The following EIF2B3 variants were observed in gnomAD, a reference collection of about 807,000 sequenced individuals.
EIF2B3 encodes translation initiation factor eIF2B subunit gamma.
A neutral mutation model predicts 54.1 loss-of-function variants in EIF2B3; 20 were observed. That is an observed-to-expected ratio of 0.37 (90% CI 0.26 to 0.54). The LOEUF (loss-of-function observed/expected upper bound fraction) is 0.54. EIF2B3 is among the 20% of genes least tolerant of loss of function. EIF2B3 has a pLI of 0.86. For missense variants in EIF2B3, 448 were observed against 547.8 expected, an observed-to-expected ratio of 0.82 and a Z score of 1.82; for synonymous variants, 153 against 188.1, an observed-to-expected ratio of 0.81 and a Z score of 1.52.
intron 5 of EIF2B3, among the ~76,000 whole-genome samples, chr1:44,916,842 G>T (rs1202734087): frequency 6.6e-6 from 1 of 151,484 alleles, no homozygotes; most frequent in African/African-American, 2.4e-5. Flanking sequence ...AAAAGGAAGG[G>T]CTCAGGGCTC....
At chr1:44,934,610 T>G (rs1643927856) in intron 4 of EIF2B3, among the ~76,000 whole-genome samples, 1 of 152,030 alleles carries the variant, frequency 6.6e-6, no homozygotes, top group Non-Finnish European at 1.5e-5. Flanking sequence ...GTTCAAGCAA[T>G]TCTCCTGCCT....
intron 5 of EIF2B3, among the ~76,000 whole-genome samples, chr1:44,920,526 C>T (rs1643718259): frequency 6.6e-6 from 1 of 152,114 alleles, no homozygotes; most frequent in South Asian, 2.1e-4. Flanking sequence ...TCCCCACTCC[C>T]ACCACCCCCA....
intron 11 of EIF2B3, among the ~76,000 whole-genome samples, chr1:44,853,080 C>T (rs11211044): frequency 0.43 from 65,314 of 151,772 alleles, 14,924 homozygotes; most frequent in African/African-American, 0.59. Context: ...CTGTGAACCA[C>T]AGGCTAAAGC....
chr1:44,932,146 T>A (rs184438711), intron 4 of EIF2B3, among the ~76,000 whole-genome samples: 1 of 151,548 alleles, frequency 6.6e-6, no homozygotes, highest in African/African-American at 2.4e-5. Context: ...CACACCCCTA[T>A]AGTAATAAAC....
At chr1:44,982,942 G>T (rs970373781) in intron 1 of EIF2B3, among the ~76,000 whole-genome samples, 4 of 152,114 alleles carry the variant, frequency 2.6e-5, no homozygotes, top group East Asian at 3.9e-4. Flanking sequence ...AGCTAATTTT[G>T]TATTTTTAGT....
rs542988999 is a variant in EIF2B3 at position 44,892,463 on chromosome 1, C to T, written c.656+4892G>A. On this transcript the variant is annotated intron_variant, in intron 6 of 11. Coordinates refer to ENST00000360403, the MANE Select transcript of EIF2B3 (RefSeq NM_020365.5). ...GTCATGGTGGTGAGTGCCTGTAGTC[C>T]CAGTTACTCGGGAGGCTGAGGAGGG... is the stretch of plus-strand genomic sequence containing the variant. Among the ~76,000 whole-genome samples the T allele has an allele frequency of 1.4e-4, 21 of 151,916 alleles. No individual in the cohort carries two copies. In the South Asian group the frequency reaches 4.0e-3, roughly 29 times the overall value.
intron 10 of EIF2B3, among the ~76,000 whole-genome samples, chr1:44,858,492 A>C (rs1654506785): frequency 6.6e-6 from 1 of 151,854 alleles, no homozygotes; most frequent in African/African-American, 2.4e-5. Context: ...TTTTTCTTTG[A>C]GATAGGGTCT....
At chr1:44,918,679 C>T (rs1397587231) in intron 5 of EIF2B3, among the ~76,000 whole-genome samples, 1 of 152,234 alleles carries the variant, frequency 6.6e-6, no homozygotes, top group African/African-American at 2.4e-5. Flanking sequence ...GCGTAAGCCA[C>T]TGCACCTAAC....
intron 11 of EIF2B3, among the ~76,000 whole-genome samples, chr1:44,856,750 C>G (rs1190282272): frequency 6.6e-6 from 1 of 151,956 alleles, no homozygotes. Context: ...CAGCAACTCC[C>G]CTCCCCACCT....
At chr1:44,957,393 A>T (rs1029740720) in intron 3 of EIF2B3, among the ~76,000 whole-genome samples, 1 of 152,258 alleles carries the variant, frequency 6.6e-6, no homozygotes, top group Admixed American at 6.5e-5. Context: ...AATAAAGTAC[A>T]TGAACAATTT....
chr1:44,952,696 G>A (rs1357598050), intron 3 of EIF2B3, among the ~76,000 whole-genome samples: 1 of 151,700 alleles, frequency 6.6e-6, no homozygotes, highest in Non-Finnish European at 1.5e-5. Flanking sequence ...GGGACTACAG[G>A]CGCCCGCCAC....
rs772111952 is a variant in EIF2B3 at position 44,978,338 on chromosome 1, G to A, written c.271C>T (p.Arg91Cys). Residue 91 changes from arginine (R) to cysteine (C), a missense_variant, in exon 3 of 12, where the codon CGC becomes TGC. Physicochemically the swap from Arg to Cys is radical, Grantham distance 180. This residue lies in a region of EIF2B3 where 95 missense variants were observed against 115.7 expected (regional missense o/e 0.82). Coordinates refer to ENST00000360403, the MANE Select transcript of EIF2B3 (RefSeq NM_020365.5). The stretch of plus-strand genomic sequence containing the variant: ...ACCTTAAGTTTTGGATATATGTAGC[G>A]CAAAGAATCTGCAGTTCCCATGTCA... ...DADMGTADSLRYIYPKLKTDV... is the reference protein window; with the variant it reads ...DADMGTADSLCYIYPKLKTDV... 41 of 1,613,856 alleles carry A rather than the reference G, an allele frequency of 2.5e-5. 1 individual carries two copies. Among genetic ancestry groups the A allele is most frequent in the African/African-American group, 1.3e-4 (10 of 74,888 alleles).
intron 6 of EIF2B3, among the ~76,000 whole-genome samples, chr1:44,882,543 A>C (rs191869868): frequency 6.6e-6 from 1 of 151,682 alleles, no homozygotes; most frequent in Non-Finnish European, 1.5e-5. Context: ...CCCAGGTTCA[A>C]GTGATTCTCC....
chr1:44,893,247 A>G (rs1265389791), intron 6 of EIF2B3, among the ~76,000 whole-genome samples: 4 of 152,154 alleles, frequency 2.6e-5, no homozygotes, highest in Non-Finnish European at 5.9e-5. Flanking sequence ...TTCATTTTGT[A>G]TGTGGCTTTA....
chr1:44,885,320 C>T, intron 6 of EIF2B3, among the ~76,000 whole-genome samples: 1 of 152,104 alleles, frequency 6.6e-6, no homozygotes, highest in South Asian at 2.1e-4. Flanking sequence ...GTTAAAAAAA[C>T]ATATAAAATA....
intron 3 of EIF2B3, among the ~76,000 whole-genome samples, chr1:44,960,708 A>C (rs1418945753): frequency 1.3e-5 from 2 of 152,150 alleles, no homozygotes; most frequent in Non-Finnish European, 2.9e-5. Flanking sequence ...AGATATTATA[A>C]ATAATTTAGA....
At chr1:44,873,258 C>T (rs996005852) in intron 10 of EIF2B3, among the ~76,000 whole-genome samples, 1 of 152,140 alleles carries the variant, frequency 6.6e-6, no homozygotes, top group African/African-American at 2.4e-5. Flanking sequence ...TCCCCTGCAA[C>T]CCCTATTCCT....
At chr1:44,980,876 A>C in intron 2 of EIF2B3, 145 bp downstream of exon 2, 1 of 938,890 alleles carries the variant, frequency 1.1e-6, no homozygotes, top group Non-Finnish European at 1.7e-6. Flanking sequence ...ACACAGCAAT[A>C]GAGTACTCCT....
At chr1:44,960,466 C>T (rs537765408) in intron 3 of EIF2B3, among the ~76,000 whole-genome samples, 41 of 152,028 alleles carry the variant, frequency 2.7e-4, no homozygotes, top group Non-Finnish European at 4.1e-4. Context: ...GGTGAAACCC[C>T]GTCTCTACTA....
Sources: gnomAD v4.1 joint callset for allele counts (sites outside exome capture counted in the v4.1 genomes callset) on GRCh38, gnomAD v4.1.1 for gene constraint, gnomAD v4.1.1 regional missense constraint, MANE v1.5 for transcripts, NCBI Gene and HGNC (gene_info 2026-07-23, HGNC 2026-07-21) for gene names.